The following RASA3 variants were observed in gnomAD, a reference collection of about 807,000 sequenced individuals.
RASA3 encodes the protein RAS p21 protein activator 3, also known as ras GTPase-activating protein 3.
Under a neutral mutation model 110.0 loss-of-function variants are expected in RASA3, and 73 were observed. The ratio of observed to expected loss-of-function variants is 0.66; its 90% CI spans 0.55 to 0.81. The LOEUF (loss-of-function observed/expected upper bound fraction) is 0.81. Among genes scored for constraint, RASA3 ranks in the 30% least tolerant of loss-of-function variants. The pLI is 0.00. For synonymous variants in RASA3, 500 were observed against 451.4 expected, an observed-to-expected ratio of 1.11 and a Z score of -1.37; for missense variants, 976 against 1,113.2, an observed-to-expected ratio of 0.88 and a Z score of 1.75.
At chr13:114,126,377 T>A (rs930082936) in intron 1 of RASA3, among the ~76,000 whole-genome samples, 3 of 152,148 alleles carry the variant, frequency 2.0e-5, no homozygotes, top group African/African-American at 7.2e-5. Flanking sequence ...AGGCCGTGCA[T>A]CTCATAACAC....
At chr13:114,116,439 C>T (rs532645983) in intron 1 of RASA3, among the ~76,000 whole-genome samples, 1 of 152,026 alleles carries the variant, frequency 6.6e-6, no homozygotes, top group South Asian at 2.1e-4. Flanking sequence ...CTGTTCCAAG[C>T]CACTGGGAAA....
chr13:114,083,575 AGTAT>A, intron 1 of RASA3, among the ~76,000 whole-genome samples: 2 of 144,614 alleles, frequency 1.4e-5, no homozygotes, highest in African/African-American at 2.5e-5. Flanking sequence ...GTGAGTCTGG[AGTAT>A]CGACTCCCTT....
chr13:114,064,922 G>A (rs1426965674), intron 2 of RASA3, among the ~76,000 whole-genome samples: 1 of 152,232 alleles, frequency 6.6e-6, no homozygotes, highest in African/African-American at 2.4e-5. Context: ...CCTGCCATGT[G>A]GCCTAAGGAA....
At chr13:114,118,021 T>C (rs1160138867) in intron 1 of RASA3, among the ~76,000 whole-genome samples, 5 of 152,140 alleles carry the variant, frequency 3.3e-5, no homozygotes, top group Middle Eastern at 3.4e-3. Flanking sequence ...ACACCAAGTG[T>C]CCGTGAGTGC....
intron 20 of RASA3, 52 bp from the exon 21 acceptor site, chr13:113,996,791 C>A (rs1047650918): frequency 6.6e-7 from 1 of 1,522,196 alleles, no homozygotes; most frequent in Non-Finnish European, 9.1e-7. Context: ...CGTGGCTGAG[C>A]ACGTGCAAGA....
chr13:114,052,213 C>T (rs902379491), intron 2 of RASA3, 58 bp from the exon 3 acceptor site: 50 of 1,176,126 alleles, frequency 4.3e-5, no homozygotes, highest in South Asian at 1.0e-4. Flanking sequence ...GCCTCACCCC[C>T]GGGGCACACA....
At chr13:114,087,711 G>A (rs770545283) in intron 1 of RASA3, among the ~76,000 whole-genome samples, 13 of 152,226 alleles carry the variant, frequency 8.5e-5, no homozygotes, top group Admixed American at 1.3e-4. Context: ...GCGCCCGCCC[G>A]ACACCACCAC....
chr13:114,112,436 G>GA lies in RASA3; in HGVS notation c.55+19998dup, dbSNP rs1320841296. 2.0e-5 allele frequency among the ~76,000 whole-genome samples: 3 copies of GA among 152,172 alleles called. No individual in the cohort carries two copies. The highest frequency in any genetic ancestry group is 4.4e-5 in the Non-Finnish European group (3 of 68,030). ...CTGGTCTGCTCCTGATACTCTGCAG[G>GA]AAGAGAATCACACTCTTTAGACCGG... is the stretch of plus-strand genomic sequence containing the variant. On this transcript the variant is annotated intron_variant, in intron 1 of 23. Coordinates refer to ENST00000334062, the MANE Select transcript of RASA3 (RefSeq NM_007368.4). This position sits in a 1 kb window ranked among gnomAD's most constrained non-coding sequence, Gnocchi z 4.8.
chr13:114,105,604 C>T (rs1477733502), intron 1 of RASA3, among the ~76,000 whole-genome samples: 1 of 152,200 alleles, frequency 6.6e-6, no homozygotes, highest in African/African-American at 2.4e-5. Flanking sequence ...CATCCGGGGC[C>T]AGCACTGACC....
chr13:114,101,692 C>G (rs2080062370), intron 1 of RASA3, among the ~76,000 whole-genome samples: 1 of 152,230 alleles, frequency 6.6e-6, no homozygotes, highest in Admixed American at 6.5e-5. Flanking sequence ...GGAGTTGGAA[C>G]TGGAAGCTTC....
intron 4 of RASA3, among the ~76,000 whole-genome samples, chr13:114,032,783 TGACACCACGCCCCAC>T (rs2054195588): frequency 2.1e-5 from 1 of 47,586 alleles, no homozygotes; most frequent in East Asian, 5.8e-4. Flanking sequence ...ACCCCCACAC[TGACACCACGCCCCAC>T]GGCACCCCCA....
At chr13:114,129,461 G>A (rs1432137214) in intron 1 of RASA3, among the ~76,000 whole-genome samples, 2 of 152,172 alleles carry the variant, frequency 1.3e-5, no homozygotes, top group Non-Finnish European at 2.9e-5. Flanking sequence ...GGGGAAAGGA[G>A]GAAGAGATTC....
At position 114,014,038 on chromosome 13, in the gene RASA3, CTA is replaced by C. The variant is rs2053733122; in HGVS notation, c.1406-792_1406-791del. ...TCTCTCCATCTCTCTCTCTCCGTCT[CTA>C]TCTCTCTCTCCGTCTGTCTCTGCCT... On this transcript the variant is annotated intron_variant, in intron 14 of 23. Coordinates refer to ENST00000334062, the MANE Select transcript of RASA3 (RefSeq NM_007368.4). The surrounding 1 kb of genome is among the most constrained non-coding windows in gnomAD (Gnocchi z 4.5). 8.1e-6 allele frequency among the ~76,000 whole-genome samples: 1 copy of C among 123,920 alleles called. No homozygotes were observed. The highest frequency in any genetic ancestry group is 2.7e-5 in the African/African-American group (1 of 37,144). 81.3% of individuals were successfully genotyped at this position (123,920 alleles called of 152,430 possible). A position where few individuals can be genotyped will look rare whatever the true frequency, so the allele number is the denominator to read the frequency against.
rs2052833158 is a variant in RASA3, at chr13:113,978,635, C to G, written c.*712G>C. ...TGGGCTCCGCAGACGCCTGGAGAAG[C>G]TGGAGCCCACACCTTTCCCTCCAAG... On this transcript the variant is annotated 3_prime_UTR_variant, in exon 24 of 24. Transcript: ENST00000334062. 6.6e-6 allele frequency: 1 copy of G among 152,246 alleles called. No homozygotes were observed. Among genetic ancestry groups the G allele is most frequent in the Non-Finnish European group, 1.5e-5 (1 of 68,056 alleles). 9.4% of individuals were successfully genotyped at this position (152,246 alleles called of 1,614,324 possible).
chr13:114,013,863 C>CATCT (rs1566478802), intron 14 of RASA3, among the ~76,000 whole-genome samples: 1 of 122,642 alleles, frequency 8.2e-6, no homozygotes, highest in Admixed American at 7.8e-5. Flanking sequence ...TGTCTCTCTC[C>CATCT]CTGTCTCTCT....
intron 2 of RASA3, among the ~76,000 whole-genome samples, chr13:114,052,710 G>C (rs1017464520): frequency 1.4e-5 from 2 of 146,930 alleles, no homozygotes; most frequent in East Asian, 2.0e-4. Flanking sequence ...ACTGTGCTTA[G>C]AGTCCTCGCT....
At chr13:114,075,292 G>A (rs141129926) in intron 1 of RASA3, among the ~76,000 whole-genome samples, 2,208 of 152,278 alleles carry the variant, frequency 0.014, 135 homozygotes, top group Admixed American at 0.1. Flanking sequence ...TGGGGCAGTC[G>A]GCTCATTTCA....
At chr13:114,005,456 C>T (rs1378927018) in intron 18 of RASA3, among the ~76,000 whole-genome samples, 1 of 152,088 alleles carries the variant, frequency 6.6e-6, no homozygotes, top group Non-Finnish European at 1.5e-5. Context: ...GGCTGTGGGA[C>T]ACAGACGTCC....
At chr13:114,102,771 C>T (rs1251687486) in intron 1 of RASA3, among the ~76,000 whole-genome samples, 3 of 152,196 alleles carry the variant, frequency 2.0e-5, no homozygotes, top group African/African-American at 7.2e-5. Flanking sequence ...GTCCTATGGT[C>T]TCCGGGGCTT....
Sources: gnomAD v4.1 joint callset for allele counts (sites outside exome capture counted in the v4.1 genomes callset) on GRCh38, gnomAD v4.1.1 for gene constraint, Gnocchi (gnomAD v3.1) non-coding constraint, MANE v1.5 for transcripts, NCBI Gene and HGNC (gene_info 2026-07-23, HGNC 2026-07-21) for gene names.